The following GOLGA8A variants were observed in gnomAD, a reference collection of about 807,000 sequenced individuals.
The protein encoded by GOLGA8A is golgin A8 family member A.
A neutral mutation model predicts 22.1 loss-of-function variants in GOLGA8A; 3 were observed. That is an observed-to-expected ratio of 0.14 (90% CI 0.06 to 0.35). The LOEUF (loss-of-function observed/expected upper bound fraction) is 0.35. Among genes scored for constraint, GOLGA8A ranks in the 10% least tolerant of loss-of-function variants. GOLGA8A has a pLI of 1.00. For synonymous variants in GOLGA8A, 7 were observed against 91.7 expected (o/e 0.08, Z 5.28); for missense variants, 16 against 233.2 (o/e 0.07, Z 6.07).
At chr15:34,431,772 A>T (rs1893263934) in intron 2 of GOLGA8A, among the ~76,000 whole-genome samples, 1 of 148,664 alleles carries the variant, frequency 6.7e-6, no homozygotes, top group Non-Finnish European at 1.5e-5. Flanking sequence ...CATTTTAAAA[A>T]AATATATTTT....
chr15:34,437,266 G>T (rs1893571141), intron 1 of GOLGA8A, 132 bp downstream of exon 1: 2 of 145,756 alleles, frequency 1.4e-5, no homozygotes, highest in Admixed American at 6.8e-5. Context: ...GCCGAGTCCG[G>T]GGGGCAGCGC....
rs1020439506 is a variant in GOLGA8A, at chr15:34,429,917, T to C, written c.-1123+5466A>G. Among the ~76,000 whole-genome samples, 20 of 147,942 alleles carry C rather than the reference T, an allele frequency of 1.4e-4. 1 individual carries two copies. Among genetic ancestry groups the C allele is most frequent in the African/African-American group, 4.2e-4 (17 of 40,110 alleles). Reference sequence around the variant, plus strand: ...TCCACTATTAGATTAAGCCACCCTATGTGACAGATAAAAGGAGCAACACAT... The same window carrying C: ...TCCACTATTAGATTAAGCCACCCTACGTGACAGATAAAAGGAGCAACACAT... On this transcript the variant is annotated intron_variant, in intron 2 of 24. Coordinates refer to ENST00000359187, the MANE Select transcript of GOLGA8A (RefSeq NM_181077.5).
chr15:34,436,840 G>A (rs1412770709), intron 1 of GOLGA8A, among the ~76,000 whole-genome samples: 3 of 149,900 alleles, frequency 2.0e-5, no homozygotes, highest in South Asian at 2.1e-4. Context: ...GCAGCCCAGG[G>A]GCAACAAGGT....
At chr15:34,431,829 C>T (rs1893267526) in intron 2 of GOLGA8A, among the ~76,000 whole-genome samples, 1 of 148,384 alleles carries the variant, frequency 6.7e-6, no homozygotes, top group Non-Finnish European at 1.5e-5. Flanking sequence ...AGTAACTGCA[C>T]TACAACTTTA....
At chr15:34,437,250 AG>A (rs1339531953) in intron 1 of GOLGA8A, 147 bp downstream of exon 1, 1 of 145,038 alleles carries the variant, frequency 6.9e-6, no homozygotes, top group Non-Finnish European at 1.5e-5. Context: ...GCCTCCCCGC[AG>A]CCCCGCCGAG....
rs551288467 is a variant in GOLGA8A at position 34,437,186 on chromosome 15, G to C, written c.-1212+212C>G. 2.7e-3 allele frequency among the ~76,000 whole-genome samples: 392 copies of C among 147,462 alleles called. 37 individuals carry two copies. Among genetic ancestry groups the C allele is most frequent in the Admixed American group, 7.7e-3 (113 of 14,734 alleles). ...GCCCGCCCATCGTGGGAGGAGGATG[G>C]GCCGGTCCGAGAGGCGTAAGGCCGC... is the stretch of plus-strand genomic sequence containing the variant. On this transcript the variant is annotated intron_variant, in intron 1 of 24. Transcript: ENST00000359187.
At chr15:34,410,826 G>T (rs437109) in intron 2 of GOLGA8A, among the ~76,000 whole-genome samples, 75,662 of 118,756 alleles carry the variant, frequency 0.64, 23,299 homozygotes, top group East Asian at 0.9. Context: ...GAGGGCTGAG[G>T]GGCAACTCGT....
chr15:34,430,421 GTCAGGAAAATCTCGACT>G (rs1190144263), intron 2 of GOLGA8A, among the ~76,000 whole-genome samples: 2 of 148,992 alleles, frequency 1.3e-5, no homozygotes, highest in African/African-American at 5.0e-5. Context: ...GGAGCTGTGG[GTCAGGAAAATCTCGACT>G]TCACCCAATG....
At chr15:34,428,718 A>G (rs1893090821) in intron 2 of GOLGA8A, 1 of 147,502 alleles carries the variant, frequency 6.8e-6, no homozygotes, top group Non-Finnish European at 1.5e-5. Context: ...AAAGGGGAAG[A>G]GGGCCCAAGC....
At chr15:34,431,329 A>ATCTC (rs1230273308) in intron 2 of GOLGA8A, among the ~76,000 whole-genome samples, 2 of 35,496 alleles carry the variant, frequency 5.6e-5, no homozygotes, top group African/African-American at 1.5e-4. Context: ...ATATATATAT[A>ATCTC]TATATATATA....
chr15:34,427,917 C>T (rs887245736), intron 2 of GOLGA8A, among the ~76,000 whole-genome samples: 2 of 148,482 alleles, frequency 1.3e-5, no homozygotes, highest in Non-Finnish European at 1.5e-5. Context: ...CTCCCACTGC[C>T]CGATGTGTCA....
At chr15:34,436,736 G>T (rs1256608057) in intron 1 of GOLGA8A, among the ~76,000 whole-genome samples, 2 of 149,904 alleles carry the variant, frequency 1.3e-5, no homozygotes, top group African/African-American at 4.9e-5. Context: ...TCTGCGGCCA[G>T]ATCTCCCTCC....
rs1256940935 is a variant in GOLGA8A at position 34,399,149 on chromosome 15, A to G, written c.-478+6T>C. 1.3e-5 allele frequency: 2 copies of G among 151,402 alleles called. No individual in the cohort carries two copies. The highest frequency in any genetic ancestry group is 1.6e-4 in the East Asian group (1 of 6,092). The allele number at this position is 151,402 out of a possible 1,614,324, so 9.4% of individuals were successfully genotyped here. On this transcript the variant is annotated splice_donor_region_variant and intron_variant, in intron 7 of 24. Transcript: ENST00000359187. ...TGAAAATTGAGTATTATAAGAAAAT[A>G]ATCACCTGTTTTGTGAGAAGTTCAA... is the stretch of plus-strand genomic sequence containing the variant.
chr15:34,426,313 C>A (rs1451389829), intron 2 of GOLGA8A, among the ~76,000 whole-genome samples: 1 of 149,396 alleles, frequency 6.7e-6, no homozygotes, highest in Non-Finnish European at 1.5e-5. Context: ...GATCGAACTG[C>A]AAATCTTATT....
chr15:34,399,087 C>CA (rs2140229580), intron 7 of GOLGA8A, 68 bp downstream of exon 7: 1 of 142,872 alleles, frequency 7.0e-6, no homozygotes, highest in African/African-American at 2.5e-5. Flanking sequence ...CTTCTACTTA[C>CA]AACCTAACTT....
Position 34,429,714 on chromosome 15 carries a change from A to G in GOLGA8A, c.-1123+5669T>C, listed in dbSNP as rs1365009728. On this transcript the variant is annotated intron_variant, in intron 2 of 24. Coordinates refer to ENST00000359187, the MANE Select transcript of GOLGA8A (RefSeq NM_181077.5). ...TATAGTAGCTTCTCAGAAAATACCT[A>G]CTGAGTACACGGCTGGATAGATGGA... Among the ~76,000 whole-genome samples, 4 of 146,206 alleles carry G rather than the reference A, an allele frequency of 2.7e-5. 1 individual carries two copies. Among genetic ancestry groups the G allele is most frequent in the African/African-American group, 1.0e-4 (4 of 39,944 alleles).
intron 2 of GOLGA8A, among the ~76,000 whole-genome samples, chr15:34,423,687 A>G (rs1443497775): frequency 6.7e-6 from 1 of 148,524 alleles, no homozygotes; most frequent in Non-Finnish European, 1.5e-5. Context: ...CCCTGGGGCC[A>G]TGGGTCCCAG....
At chr15:34,435,819 CT>C (rs534195240) in intron 1 of GOLGA8A, among the ~76,000 whole-genome samples, 2 of 148,670 alleles carry the variant, frequency 1.3e-5, no homozygotes, top group African/African-American at 5.0e-5. Context: ...AAGGGCCCCC[CT>C]GCCAGTACTG....
In GOLGA8A at chr15:34,380,557, CA is replaced by C. The variant is rs1281709091; in HGVS notation, c.*853del. On this transcript the variant is annotated 3_prime_UTR_variant, in exon 25 of 25. Transcript: ENST00000359187. ...AGGAAAGGTTTTTCACACCCACAGCCAATGATGGCAGCCTTTCATTCCTCGG... is the reference window on the plus strand; with the variant it reads ...AGGAAAGGTTTTTCACACCCACAGCCATGATGGCAGCCTTTCATTCCTCGG... 6.6e-5 allele frequency: 10 copies of C among 152,372 alleles called. No individual in the cohort carries two copies. Among genetic ancestry groups the C allele is most frequent in the African/African-American group, 2.4e-4 (10 of 41,540 alleles). The allele number at this position is 152,372 out of a possible 1,614,324, so 9.4% of individuals were successfully genotyped here.
Sources: gnomAD v4.1 joint callset for allele counts (sites outside exome capture counted in the v4.1 genomes callset) on GRCh38, gnomAD v4.1.1 for gene constraint, MANE v1.5 for transcripts, NCBI Gene and HGNC (gene_info 2026-07-23, HGNC 2026-07-21) for gene names.